Variants in GRID2 observed in about 807,000 individuals in gnomAD.
The protein encoded by GRID2 is glutamate ionotropic receptor delta type subunit 2.
In GRID2, 33 loss-of-function variants were observed where a neutral mutation model predicts 114.8. That is an observed-to-expected ratio of 0.29 (90% confidence interval 0.22 to 0.38). The LOEUF (loss-of-function observed/expected upper bound fraction) is 0.38. Ranked by LOEUF, GRID2 falls within the 10% of genes least tolerant of loss-of-function variation. The pLI is 1.00. For missense variants in GRID2, 1,184 were observed against 1,257.7 expected (o/e 0.94, Z 0.89); for synonymous variants, 505 against 449.9 (o/e 1.12, Z -1.55).
intron 13 of GRID2, among the ~76,000 whole-genome samples, chr4:93,577,279 G>C (rs1242048569): frequency 2.0e-5 from 3 of 152,142 alleles, no homozygotes; most frequent in Non-Finnish European, 4.4e-5. Flanking sequence ...GTAAGAGGAG[G>C]GGGTGGGCAT....
At chr4:93,648,130 C>A (rs1722274511) in intron 14 of GRID2, among the ~76,000 whole-genome samples, 1 of 152,092 alleles carries the variant, frequency 6.6e-6, no homozygotes, top group African/African-American at 2.4e-5. Context: ...ATACCATAAA[C>A]TCAACTGGAA....
chr4:93,800,400 A>C (rs771936184), intron 1 of GRID2, among the ~76,000 whole-genome samples: 1 of 152,212 alleles, frequency 6.6e-6, no homozygotes, highest in Non-Finnish European at 1.5e-5. Context: ...TCAAGTTTGG[A>C]TCGAACAATT....
chr4:93,457,966 A>C (rs1723366094), intron 11 of GRID2, among the ~76,000 whole-genome samples: 2 of 150,818 alleles, frequency 1.3e-5, no homozygotes. Context: ...ATCTGGACTT[A>C]ATATATATTT....
intron 3 of GRID2, among the ~76,000 whole-genome samples, chr4:93,090,698 T>A (rs1014694199): frequency 2.6e-5 from 4 of 152,156 alleles, no homozygotes; most frequent in African/African-American, 7.2e-5. Flanking sequence ...GTTGAAAATT[T>A]CTTATGGCTA....
chr4:93,019,900 A>G (rs1452215610), intron 2 of GRID2, among the ~76,000 whole-genome samples: 2 of 152,222 alleles, frequency 1.3e-5, no homozygotes, highest in Admixed American at 1.3e-4. Flanking sequence ...AATTAAAAAA[A>G]CTTTTAAAAC....
intron 12 of GRID2, among the ~76,000 whole-genome samples, chr4:93,501,681 T>C (rs902130823): frequency 6.6e-6 from 1 of 152,030 alleles, no homozygotes; most frequent in African/African-American, 2.4e-5. Flanking sequence ...TAATTAAAAG[T>C]TGTCTCACAG....
chr4:92,624,456 G>A (rs958834185), intron 2 of GRID2, among the ~76,000 whole-genome samples: 1 of 151,784 alleles, frequency 6.6e-6, no homozygotes, highest in African/African-American at 2.4e-5. Context: ...AAGTGATTGT[G>A]GTTAGCATGT....
chr4:93,233,377 G>C (rs998940757), intron 7 of GRID2, among the ~76,000 whole-genome samples: 10 of 149,996 alleles, frequency 6.7e-5, no homozygotes, highest in East Asian at 5.9e-4. Context: ...GAGTCTCGCT[G>C]TGTCATTCAG....
chr4:93,809,705 C>G (rs1361504638), exon 2 of GRID2: 2 of 152,204 alleles, frequency 1.3e-5, no homozygotes, highest in Admixed American at 1.3e-4. Context: ...AAATAATTCA[C>G]AATTTCCTTC....
chr4:93,348,708 T>C (rs531866217), intron 8 of GRID2, among the ~76,000 whole-genome samples: 9 of 152,288 alleles, frequency 5.9e-5, no homozygotes, highest in African/African-American at 2.2e-4. Flanking sequence ...TTCATCATTC[T>C]ACTGGACCTC....
intron 1 of GRID2, among the ~76,000 whole-genome samples, chr4:92,464,052 C>G (rs1211878000): frequency 6.6e-6 from 1 of 151,860 alleles, no homozygotes; most frequent in Non-Finnish European, 1.5e-5. Context: ...CTACCCTATT[C>G]TTCTCAAACA....
chr4:93,143,225 C>CT (rs1233640723), intron 4 of GRID2, among the ~76,000 whole-genome samples: 1 of 152,152 alleles, frequency 6.6e-6, no homozygotes, highest in Non-Finnish European at 1.5e-5. Context: ...GTTAAAACCA[C>CT]TTGTTGAAAC....
chr4:93,600,626 C>T lies in GRID2; in HGVS notation c.2194-25643C>T, dbSNP rs193096044. ...TTACATATATTGATGATGTAAAATG[C>T]GTAAAAACTACTTTGGAAATCTGTT... On this transcript the variant is annotated intron_variant, in intron 13 of 15. Transcript: ENST00000282020. 1.1e-3 allele frequency among the ~76,000 whole-genome samples: 162 copies of T among 152,170 alleles called. 2 individuals carry two copies. The highest frequency in any genetic ancestry group is 1.7e-3 in the East Asian group (9 of 5,170).
intron 1 of GRID2, among the ~76,000 whole-genome samples, chr4:92,319,919 T>G (rs1251942542): frequency 2.0e-5 from 3 of 152,224 alleles, no homozygotes; most frequent in Non-Finnish European, 4.4e-5. Context: ...GTAAATATGC[T>G]TATTGAACTC....
chr4:93,393,794 C>A (rs1765076114), intron 8 of GRID2, among the ~76,000 whole-genome samples: 1 of 151,982 alleles, frequency 6.6e-6, no homozygotes, highest in African/African-American at 2.4e-5. Flanking sequence ...CAAGTTGGTG[C>A]TAATAGATGT....
At chr4:92,634,878 AAAG>A (rs1353429835) in intron 2 of GRID2, among the ~76,000 whole-genome samples, 4 of 135,202 alleles carry the variant, frequency 3.0e-5, no homozygotes, top group African/African-American at 1.1e-4. Context: ...AGAGAGAGAG[AAAG>A]AGAGAGAGAG....
At chr4:93,533,329 CCTTT>C (rs1578204139) in intron 13 of GRID2, among the ~76,000 whole-genome samples, 1 of 135,922 alleles carries the variant, frequency 7.4e-6, no homozygotes, top group African/African-American at 2.8e-5. Context: ...TTCCTTTCTT[CCTTT>C]CTTTCTTGCC....
At chr4:92,811,001 T>C (rs1484511774) in intron 2 of GRID2, among the ~76,000 whole-genome samples, 3 of 152,086 alleles carry the variant, frequency 2.0e-5, no homozygotes, top group Non-Finnish European at 4.4e-5. Context: ...CAGGTTGGTC[T>C]CAAACTCCTG....
intron 7 of GRID2, among the ~76,000 whole-genome samples, chr4:93,231,328 A>C (rs567458533): frequency 6.7e-6 from 1 of 149,750 alleles, no homozygotes; most frequent in Non-Finnish European, 1.5e-5. Flanking sequence ...GTATTTATCA[A>C]ATTTCTATAT....
Sources: gnomAD v4.1 joint callset for allele counts (sites outside exome capture counted in the v4.1 genomes callset) on GRCh38, gnomAD v4.1.1 for gene constraint, MANE v1.5 for transcripts, NCBI Gene and HGNC (gene_info 2026-07-23, HGNC 2026-07-21) for gene names.